The following CBLB variants were observed in gnomAD, a reference collection of about 807,000 sequenced individuals.
The protein encoded by CBLB is E3 ubiquitin-protein ligase CBL-B.
Under a neutral mutation model 104.9 loss-of-function variants are expected in CBLB, and 31 were observed. The ratio of observed to expected loss-of-function variants is 0.30; its 90% CI spans 0.22 to 0.40. CBLB has a LOEUF of 0.40. Among genes scored for constraint, CBLB ranks in the 10% least tolerant of loss-of-function variants. The pLI is 1.00. For missense variants in CBLB, 1,062 were observed against 1,214.6 expected (o/e 0.87, Z 1.87); for synonymous variants, 440 against 422.6 (o/e 1.04, Z -0.51).
At chr3:105,659,519 A>G (rs1443378883) in intron 18 of CBLB, among the ~76,000 whole-genome samples, 1 of 152,182 alleles carries the variant, frequency 6.6e-6, no homozygotes, top group East Asian at 1.9e-4. Flanking sequence ...AGAGATAGAG[A>G]AAGGAAAAAA....
At chr3:105,668,427 G>C (rs62263055) in intron 18 of CBLB, among the ~76,000 whole-genome samples, 29,737 of 151,980 alleles carry the variant, frequency 0.2, 3,368 homozygotes, top group East Asian at 0.52. Flanking sequence ...CTAAAGTATA[G>C]GTTTCTTTTA....
At chr3:105,712,471 T>C (rs1333718144) in intron 10 of CBLB, among the ~76,000 whole-genome samples, 1 of 152,120 alleles carries the variant, frequency 6.6e-6, no homozygotes, top group African/African-American at 2.4e-5. Context: ...TTCTGAGAAT[T>C]AAAGGAATAA....
At chr3:105,779,549 T>G (rs899219209) in intron 3 of CBLB, among the ~76,000 whole-genome samples, 1 of 152,096 alleles carries the variant, frequency 6.6e-6, no homozygotes, top group South Asian at 2.1e-4. Flanking sequence ...TTTATACTTA[T>G]ACACTCACAC....
chr3:105,862,648 A>G (rs1219549206), intron 2 of CBLB, among the ~76,000 whole-genome samples: 2 of 152,224 alleles, frequency 1.3e-5, no homozygotes, highest in Non-Finnish European at 2.9e-5. Context: ...GTATTCTATC[A>G]AAGCACAGCC....
At chr3:105,673,919 C>A (rs1315189847) in intron 17 of CBLB, 1 of 152,210 alleles carries the variant, frequency 6.6e-6, no homozygotes, top group Non-Finnish European at 1.5e-5. Flanking sequence ...TTCCTTTAAT[C>A]CACTCTAGTT....
chr3:105,785,443 G>T (rs1451671338), intron 3 of CBLB, among the ~76,000 whole-genome samples: 4 of 151,866 alleles, frequency 2.6e-5, no homozygotes, highest in Non-Finnish European at 4.4e-5. Flanking sequence ...CTTCATGAAT[G>T]GTAAAACAGA....
chr3:105,835,938 A>G (rs1214004411), intron 3 of CBLB, among the ~76,000 whole-genome samples: 1 of 152,232 alleles, frequency 6.6e-6, no homozygotes, highest in African/African-American at 2.4e-5. Flanking sequence ...GATGCCACAC[A>G]TACAGTAGAG....
At chr3:105,788,817 G>A (rs1294616064) in intron 3 of CBLB, among the ~76,000 whole-genome samples, 3 of 152,128 alleles carry the variant, frequency 2.0e-5, no homozygotes, top group Non-Finnish European at 2.9e-5. Flanking sequence ...TAGAAATGAC[G>A]CTACATAAAT....
chr3:105,773,638 A>G (rs540440742), intron 4 of CBLB, among the ~76,000 whole-genome samples: 2 of 152,268 alleles, frequency 1.3e-5, no homozygotes, highest in African/African-American at 4.8e-5. Context: ...TTCGAGCTTC[A>G]TGCTTAAAGT....
chr3:105,795,746 T>C (rs1385557922), intron 3 of CBLB, among the ~76,000 whole-genome samples: 1 of 152,180 alleles, frequency 6.6e-6, no homozygotes, highest in Non-Finnish European at 1.5e-5. Flanking sequence ...TTGTTTGTTT[T>C]TGTTTTTGTT....
chr3:105,868,990 G>A lies in CBLB; in HGVS notation c.-269C>T. The A allele has an allele frequency of 1.9e-6, 2 of 1,051,380 alleles. No homozygotes were observed. Among genetic ancestry groups the A allele is most frequent in the Admixed American group, 5.7e-5 (1 of 17,474 alleles). The allele number at this position is 1,051,380 out of a possible 1,614,324, so 65.1% of individuals were successfully genotyped here. A position where few individuals can be genotyped will look rare whatever the true frequency, so the allele number is the denominator to read the frequency against. Reference sequence around the variant, plus strand: ...CGGGACGCCGCAGCAGCACTAGCAGGAGGAGGAGACCGCTCGCTGGACACC... The same window carrying A: ...CGGGACGCCGCAGCAGCACTAGCAGAAGGAGGAGACCGCTCGCTGGACACC... On this transcript the variant is annotated 5_prime_UTR_variant, in exon 1 of 19. Coordinates refer to ENST00000394030, the MANE Select transcript of CBLB (RefSeq NM_170662.5).
intron 3 of CBLB, among the ~76,000 whole-genome samples, chr3:105,784,723 AT>A (rs1560226855): frequency 1.3e-5 from 2 of 152,128 alleles, no homozygotes; most frequent in African/African-American, 4.8e-5. Flanking sequence ...GGAAAATCCT[AT>A]TTCTACTTGT....
chr3:105,670,108 G>T, intron 18 of CBLB, 125 bp downstream of exon 18: 2 of 862,402 alleles, frequency 2.3e-6, no homozygotes, highest in Non-Finnish European at 3.7e-6. Context: ...ATGCAATGAT[G>T]ATCAAAATAC....
chr3:105,822,430 G>A lies in CBLB; in HGVS notation c.419+30984C>T, dbSNP rs575537429. Among the ~76,000 whole-genome samples the A allele has an allele frequency of 1.1e-3, 160 of 152,154 alleles. 1 individual carries two copies. Among genetic ancestry groups the A allele is most frequent in the African/African-American group, 3.7e-3 (152 of 41,506 alleles). On this transcript the variant is annotated intron_variant, in intron 3 of 18. Coordinates refer to ENST00000394030, the MANE Select transcript of CBLB (RefSeq NM_170662.5). ...TGGCTGGTCAATTCTGGAACTAACC[G>A]GTACTCTCTATTTTGGGTATTATGA...
intron 6 of CBLB, among the ~76,000 whole-genome samples, chr3:105,741,504 T>TC (rs1438894195): frequency 2.6e-5 from 4 of 152,284 alleles, no homozygotes; most frequent in Non-Finnish European, 5.9e-5. Flanking sequence ...CACGCTATTC[T>TC]CCTGCTTCAG....
At chr3:105,680,095 A>G (rs1404893700) in intron 16 of CBLB, among the ~76,000 whole-genome samples, 1 of 152,218 alleles carries the variant, frequency 6.6e-6, no homozygotes, top group Non-Finnish European at 1.5e-5. Flanking sequence ...AAAGTGTTTT[A>G]TTGGTCCCAT....
intron 3 of CBLB, among the ~76,000 whole-genome samples, chr3:105,791,102 G>A (rs1304276908): frequency 6.6e-6 from 1 of 152,176 alleles, no homozygotes; most frequent in African/African-American, 2.4e-5. Flanking sequence ...AAGATCTGTT[G>A]AAGATTTCTC....
chr3:105,663,752 T>C (rs1386678464), intron 18 of CBLB, among the ~76,000 whole-genome samples: 2 of 152,076 alleles, frequency 1.3e-5, no homozygotes, highest in African/African-American at 4.8e-5. Flanking sequence ...AATCATTGGT[T>C]CTTGTGGGAT....
chr3:105,732,493 T>A (rs1185680883), intron 9 of CBLB, among the ~76,000 whole-genome samples: 2 of 152,142 alleles, frequency 1.3e-5, no homozygotes, highest in Non-Finnish European at 2.9e-5. Context: ...CAAATGCATA[T>A]GAAGAAGAGA....
Sources: gnomAD v4.1 joint callset for allele counts (sites outside exome capture counted in the v4.1 genomes callset) on GRCh38, gnomAD v4.1.1 for gene constraint, MANE v1.5 for transcripts, NCBI Gene and HGNC (gene_info 2026-07-23, HGNC 2026-07-21) for gene names.